The following PECR variants were observed in gnomAD, a reference collection of about 807,000 sequenced individuals.
PECR encodes the protein 2,4-dienoyl-CoA reductase-related protein.
PECR carries 30 observed loss-of-function variants against 35.3 expected under a neutral mutation model. The observed-to-expected ratio is 0.85, with a 90% confidence interval of 0.64 to 1.15. The LOEUF (loss-of-function observed/expected upper bound fraction) is 1.15. Ranked by LOEUF, PECR falls within the 50% of genes most tolerant of loss-of-function variation. The probability of loss-of-function intolerance (pLI) is 0.00; values close to 1 mark genes in which losing one functional copy is unlikely to be tolerated. For synonymous variants in PECR, 148 were observed against 138.9 expected (o/e 1.07, Z -0.46); for missense variants, 392 against 370.8 (o/e 1.06, Z -0.47).
intron 1 of PECR, among the ~76,000 whole-genome samples, chr2:216,072,287 T>G (rs1695605561): frequency 6.6e-6 from 1 of 152,192 alleles, no homozygotes. Flanking sequence ...GTGGAATAAA[T>G]AAAGTTCACA....
At position 216,039,312 on chromosome 2, in the gene PECR, T is replaced by C. The variant is rs778685913; in HGVS notation, c.875A>G (p.Lys292Arg). 46 of 1,610,144 alleles carry C rather than the reference T, an allele frequency of 2.9e-5. No homozygotes were observed. In the South Asian group the frequency reaches 4.8e-4, roughly 17 times the overall value. The change falls in exon 8 of 8, where the codon AAG (lysine) becomes AGG (arginine). Residue 292 changes from lysine (K) to arginine (R), a missense_variant. Lys to Arg is a conservative substitution (Grantham distance 26). Coordinates refer to ENST00000265322, the MANE Select transcript of PECR (RefSeq NM_018441.6). Reference sequence around the variant, plus strand: ...TTTCTCCTTAAAGGTCTCCTTCATCTTTTTGACAACAGAAAGGTCCCCTGC... The same window carrying C: ...TTTCTCCTTAAAGGTCTCCTTCATCCTTTTGACAACAGAAAGGTCCCCTGC... ...KGAGDLSVVK[K>R]MKETFKEKAK...
chr2:216,030,428 A>C (rs1694662230), intron 7 of PECR, among the ~76,000 whole-genome samples: 1 of 152,204 alleles, frequency 6.6e-6, no homozygotes, highest in East Asian at 1.9e-4. Flanking sequence ...GGTAATAATG[A>C]AACTACCTCA....
intron 3 of PECR, 40 bp from the exon 4 acceptor site, chr2:216,059,016 G>C (rs1400817251): frequency 6.5e-6 from 8 of 1,235,768 alleles, no homozygotes; most frequent in East Asian, 2.3e-5. Flanking sequence ...AATTTTTAAA[G>C]TATCCTGGCC....
chr2:216,055,104 T>C (rs1466525941), intron 4 of PECR, among the ~76,000 whole-genome samples: 1 of 142,892 alleles, frequency 7.0e-6, no homozygotes, highest in Non-Finnish European at 1.5e-5. Context: ...AGAGCGAGAC[T>C]GTGTCTTACA....
At chr2:216,035,647 G>A (rs185621853), downstream of PECR, among the ~76,000 whole-genome samples, 3 of 152,078 alleles carry the variant, frequency 2.0e-5, no homozygotes, top group African/African-American at 4.8e-5. Flanking sequence ...CCACCAGGCC[G>A]GCTAATTTTT....
At chr2:216,061,056 C>T (rs1027869726) in intron 3 of PECR, among the ~76,000 whole-genome samples, 1 of 142,638 alleles carries the variant, frequency 7.0e-6, no homozygotes, top group Non-Finnish European at 1.5e-5. Context: ...CTTTGAGAGG[C>T]AGAGGCGGAT....
intron 4 of PECR, among the ~76,000 whole-genome samples, 181 bp downstream of exon 4, chr2:216,058,714 T>A (rs1431289100): frequency 1.3e-5 from 2 of 151,506 alleles, no homozygotes; most frequent in African/African-American, 4.9e-5. Context: ...CGCATCTGGA[T>A]GAAAATGTTT....
chr2:216,067,024 C>T (rs1695480715), intron 1 of PECR, among the ~76,000 whole-genome samples: 1 of 152,102 alleles, frequency 6.6e-6, no homozygotes, highest in Non-Finnish European at 1.5e-5. Context: ...GGATGGTCAT[C>T]TCTGGGACAG....
intron 4 of PECR, among the ~76,000 whole-genome samples, chr2:216,055,267 G>A (rs1284600882): frequency 1.3e-5 from 2 of 151,342 alleles, no homozygotes; most frequent in African/African-American, 2.4e-5. Flanking sequence ...GAGAAACCCC[G>A]TCTCTATTAA....
At chr2:216,039,485 G>C (rs1393665710) in intron 7 of PECR, 125 bp from the exon 8 acceptor site, 1 of 705,316 alleles carries the variant, frequency 1.4e-6, no homozygotes, top group African/African-American at 1.7e-5. Flanking sequence ...TAAATCCTTA[G>C]GGCAAACATT....
chr2:216,053,776 G>C (rs1339206670), intron 4 of PECR, among the ~76,000 whole-genome samples: 1 of 152,088 alleles, frequency 6.6e-6, no homozygotes. Context: ...TGTAGAAAAA[G>C]ACCTTCTCTA....
intron 3 of PECR, among the ~76,000 whole-genome samples, chr2:216,061,297 G>T (rs552561604): frequency 1.0e-5 from 1 of 97,780 alleles, no homozygotes; most frequent in African/African-American, 4.0e-5. Context: ...AGGTGACAGA[G>T]TGAAACCCTG....
rs146145130 is a variant in PECR, at chr2:216,041,604, A to G, written c.827-2244T>C. Among the ~76,000 whole-genome samples, 196 of 152,306 alleles carry G rather than the reference A, an allele frequency of 1.3e-3. 6 individuals carry two copies. In the East Asian group the frequency reaches 0.037, roughly 29 times the overall value. ...AGACTCGCCAAAGTGATGTGTTCTT[A>G]TATGTTAATGATTGACTGATGGCTG... On this transcript the variant is annotated intron_variant, in intron 7 of 7. Transcript: ENST00000265322.
At chr2:216,074,136 T>C (rs1171113343) in intron 1 of PECR, among the ~76,000 whole-genome samples, 7 of 152,194 alleles carry the variant, frequency 4.6e-5, no homozygotes, top group South Asian at 2.1e-4. Flanking sequence ...ATAGGCTCTA[T>C]AGGGCAGGGA....
intron 1 of PECR, among the ~76,000 whole-genome samples, chr2:216,080,783 G>A (rs960915627): frequency 1.5e-4 from 23 of 152,204 alleles, no homozygotes; most frequent in African/African-American, 3.9e-4. Flanking sequence ...CTTTTGGAAC[G>A]CTTAGTCCAT....
At position 216,065,167 on chromosome 2, in the gene PECR, G is replaced by A. The variant is rs1391058628; in HGVS notation, c.424+145C>T. 8 of 746,318 alleles carry A rather than the reference G, an allele frequency of 1.1e-5. No individual in the cohort carries two copies. In the African/African-American group the frequency reaches 1.4e-4, roughly 13 times the overall value. The allele number at this position is 746,318 out of a possible 1,614,324, so 46.2% of individuals were successfully genotyped here. A position where few individuals can be genotyped will look rare whatever the true frequency, so the allele number is the denominator to read the frequency against. On this transcript the variant is annotated intron_variant, in intron 3 of 7. Transcript: ENST00000265322. ...ATAAATATTGCCAAATTACTATACTGAAATGTACCAATTTACATTCCTATG... is the reference window on the plus strand; with the variant it reads ...ATAAATATTGCCAAATTACTATACTAAAATGTACCAATTTACATTCCTATG...
chr2:216,058,682 T>C (rs749272842), intron 4 of PECR, among the ~76,000 whole-genome samples: 6 of 151,560 alleles, frequency 4.0e-5, no homozygotes, highest in African/African-American at 9.8e-5. Flanking sequence ...TATTTTCCCT[T>C]TCCTTGGTAA....
chr2:216,064,892 A>G (rs1480212802), intron 3 of PECR, among the ~76,000 whole-genome samples: 3 of 152,196 alleles, frequency 2.0e-5, no homozygotes, highest in Non-Finnish European at 4.4e-5. Context: ...CCTTTAATCC[A>G]AAGACTATGT....
chr2:216,029,998 C>T (rs1325078157), intron 7 of PECR, among the ~76,000 whole-genome samples: 3 of 152,166 alleles, frequency 2.0e-5, no homozygotes, highest in Non-Finnish European at 4.4e-5. Flanking sequence ...CATGGTGGAC[C>T]AGTCTCCCAC....
Sources: allele counts gnomAD v4.1 joint callset (sites outside exome capture counted in the v4.1 genomes callset), GRCh38; gene constraint gnomAD v4.1.1; transcripts MANE v1.5; gene names NCBI Gene and HGNC (gene_info 2026-07-23, HGNC 2026-07-21).